The following RAB11FIP5 variants were observed in gnomAD, a reference collection of about 807,000 sequenced individuals.
RAB11FIP5 encodes rab11 family-interacting protein 5.
Under a neutral mutation model 85.1 loss-of-function variants are expected in RAB11FIP5, and 48 were observed. The observed-to-expected ratio is 0.56, with a 90% CI of 0.45 to 0.72. The LOEUF (loss-of-function observed/expected upper bound fraction) is 0.72. RAB11FIP5 is among the 30% of genes least tolerant of loss of function. RAB11FIP5 has a pLI of 0.00. For missense variants in RAB11FIP5, 1,491 were observed against 1,687.0 expected (o/e 0.88, Z 2.04); for synonymous variants, 729 against 727.3 (o/e 1.00, Z -0.04).
In RAB11FIP5 at chr2:73,080,427, T is replaced by A; in HGVS notation, c.2805A>T (p.Glu935Asp). 1.6e-6 allele frequency: 2 copies of A among 1,233,436 alleles called. No individual in the cohort carries two copies. The highest frequency in any genetic ancestry group is 2.0e-6 in the Non-Finnish European group (2 of 988,638). 76.4% of individuals were successfully genotyped at this position (1,233,436 alleles called of 1,614,324 possible). A position where few individuals can be genotyped will look rare whatever the true frequency, so the allele number is the denominator to read the frequency against. Reference protein sequence around the residue: ...LSNRGPETEGEDASPSALVVG... With the variant: ...LSNRGPETEGDDASPSALVVG... Reference sequence around the variant, plus strand: ...CAACCAGTGCACTTGGGGAGGCATCTTCTCCCTCTGTCTCCGGCCCCCTGT... The same window carrying A: ...CAACCAGTGCACTTGGGGAGGCATCATCTCCCTCTGTCTCCGGCCCCCTGT... Residue 935 changes from glutamate (E) to aspartate (D), a missense_variant, in exon 4 of 6, where the codon GAA becomes GAT. Around this residue, in one of 3 missense-constraint regions of RAB11FIP5, gnomAD observed 1,211 missense variants for 1,338.0 expected, o/e 0.91. Transcript: ENST00000486777.
rs781777356 is a variant in RAB11FIP5, at chr2:73,088,005, C to A, written c.1568+45G>T. The A allele has an allele frequency of 5.2e-6, 8 of 1,533,524 alleles. No homozygotes were observed. In the Admixed American group the frequency reaches 1.5e-4, roughly 28 times the overall value. 95.0% of individuals were successfully genotyped at this position (1,533,524 alleles called of 1,614,324 possible). ...CCCAGGGTCCAGGCAGCACACACCC[C>A]AGCATCCTCCCCAAGGAGCAAAGTT... is the stretch of plus-strand genomic sequence containing the variant. On this transcript the variant is annotated intron_variant, in intron 3 of 5. Transcript: ENST00000486777.
chr2:73,091,969 G>A (rs530629446), intron 1 of RAB11FIP5, among the ~76,000 whole-genome samples: 77 of 152,324 alleles, frequency 5.1e-4, no homozygotes, highest in African/African-American at 1.8e-3. Flanking sequence ...CAGAAGTGAG[G>A]GGAGGAGAGG....
At chr2:73,106,677 C>T (rs1269976145) in intron 1 of RAB11FIP5, among the ~76,000 whole-genome samples, 1 of 152,226 alleles carries the variant, frequency 6.6e-6, no homozygotes, top group Non-Finnish European at 1.5e-5. Flanking sequence ...TCTTCTTTAC[C>T]CCAAATCCTA....
chr2:73,080,707 G>A lies in RAB11FIP5; in HGVS notation c.2525C>T (p.Pro842Leu). The change falls in exon 4 of 6, where the codon CCT becomes CTT. Residue 842 changes from proline (P) to leucine (L), a missense_variant. Coordinates refer to ENST00000486777, the MANE Select transcript of RAB11FIP5 (RefSeq NM_001371272.1). ...GACTAGTGAGGCTGTCTCAGCTGCA[G>A]GAGAAATGGTGACCACATCCCAAGG... Reference protein sequence around the residue: ...AWPWDVVTISPAAETASLVFR... With the variant: ...AWPWDVVTISLAAETASLVFR... The A allele has an allele frequency of 8.1e-7, 1 of 1,232,564 alleles. No individual in the cohort carries two copies. 76.4% of individuals were successfully genotyped at this position (1,232,564 alleles called of 1,614,324 possible).
intron 1 of RAB11FIP5, among the ~76,000 whole-genome samples, chr2:73,109,692 T>C (rs1004332884): frequency 6.6e-6 from 1 of 152,212 alleles, no homozygotes; most frequent in Non-Finnish European, 1.5e-5. Flanking sequence ...CTTGGGCCTC[T>C]TGCAGCAAAT....
intron 2 of RAB11FIP5, 28 bp downstream of exon 2, chr2:73,088,851 C>A: frequency 6.5e-7 from 1 of 1,543,276 alleles, no homozygotes. Flanking sequence ...GCCCCCCTCC[C>A]CAGGGCGGCG....
intron 4 of RAB11FIP5, among the ~76,000 whole-genome samples, chr2:73,076,939 C>T (rs1231016660): frequency 6.6e-6 from 1 of 152,196 alleles, no homozygotes; most frequent in Non-Finnish European, 1.5e-5. Context: ...CCTCACTGAC[C>T]TCTGTGGAGC....
At position 73,080,416 on chromosome 2, in the gene RAB11FIP5, G is replaced by A. The variant is rs115974609; in HGVS notation, c.2816C>T (p.Pro939Leu). The A allele has an allele frequency of 5.9e-4, 731 of 1,233,346 alleles. 5 individuals are homozygous for A. In the African/African-American group the frequency reaches 9.9e-3, roughly 17 times the overall value. The allele number at this position is 1,233,346 out of a possible 1,614,324, so 76.4% of individuals were successfully genotyped here. ...GPETEGEDAS[P>L]SALVVGPPET... Reference sequence around the variant, plus strand: ...CGGGGGACCGACAACCAGTGCACTTGGGGAGGCATCTTCTCCCTCTGTCTC... The same window carrying A: ...CGGGGGACCGACAACCAGTGCACTTAGGGAGGCATCTTCTCCCTCTGTCTC... The change falls in exon 4 of 6, where the codon CCA becomes CTA. Residue 939 changes from proline to leucine, a missense_variant. Transcript: ENST00000486777.
intron 1 of RAB11FIP5, among the ~76,000 whole-genome samples, chr2:73,090,162 G>A (rs1233389438): frequency 1.3e-5 from 2 of 152,128 alleles, no homozygotes; most frequent in Non-Finnish European, 2.9e-5. Flanking sequence ...CAGTGGTAAA[G>A]GAACCCATCC....
In RAB11FIP5 at chr2:73,089,914, CA is replaced by C. The variant is rs1684176949; in HGVS notation, c.432-600del. ...ACACACACACACACACACACACACA[CA>C]CCTCACTCACACACTGACTCACCCC... is the stretch of plus-strand genomic sequence containing the variant. On this transcript the variant is annotated intron_variant, in intron 1 of 5. Coordinates refer to ENST00000486777, the MANE Select transcript of RAB11FIP5 (RefSeq NM_001371272.1). The surrounding 1 kb of genome is among the most constrained non-coding windows in gnomAD (Gnocchi z 4.6). Among the ~76,000 whole-genome samples, 1 of 143,868 alleles carries C rather than the reference CA, an allele frequency of 7.0e-6. No individual in the cohort carries two copies. Among genetic ancestry groups the C allele is most frequent in the Admixed American group, 6.9e-5 (1 of 14,430 alleles). The allele number at this position is 143,868 out of a possible 152,430, so 94.4% of individuals were successfully genotyped here.
In RAB11FIP5 at chr2:73,088,365, C is replaced by G. The variant is rs761712902; in HGVS notation, c.1253G>C (p.Ser418Thr). 2.5e-6 allele frequency: 4 copies of G among 1,613,660 alleles called. No individual in the cohort carries two copies. The African/African-American group carries it at 5.3e-5, about 22-fold the overall frequency. Residue 418 changes from serine to threonine, a missense_variant, in exon 3 of 6, where the codon AGC becomes ACC. Ser to Thr is a moderately conservative substitution (Grantham distance 58). Coordinates refer to ENST00000486777, the MANE Select transcript of RAB11FIP5 (RefSeq NM_001371272.1). Reference protein sequence around the residue: ...AQAKVLAPGASHPGEEEGARL... With the variant: ...AQAKVLAPGATHPGEEEGARL... ...GGCCCCCTCCTCCTCTCCAGGGTGG[C>G]TGGCCCCAGGGGCCAGGACTTTAGC... is the stretch of plus-strand genomic sequence containing the variant.
chr2:73,107,131 G>A (rs1424896230), intron 1 of RAB11FIP5, among the ~76,000 whole-genome samples: 1 of 152,238 alleles, frequency 6.6e-6, no homozygotes, highest in African/African-American at 2.4e-5. Flanking sequence ...ACTGCCAGGT[G>A]CACAGCAGAC....
At chr2:73,082,017 T>C (rs1434125925) in intron 3 of RAB11FIP5, among the ~76,000 whole-genome samples, 3 of 150,478 alleles carry the variant, frequency 2.0e-5, no homozygotes, top group African/African-American at 7.4e-5. Flanking sequence ...CTGGGAAAAC[T>C]AATCTGAAAG....
chr2:73,097,305 G>C (rs574658431), intron 1 of RAB11FIP5, among the ~76,000 whole-genome samples: 1 of 151,982 alleles, frequency 6.6e-6, no homozygotes, highest in African/African-American at 2.4e-5. Context: ...CCAAAGTGCT[G>C]AGATTACAGG....
intron 1 of RAB11FIP5, among the ~76,000 whole-genome samples, chr2:73,109,717 T>C (rs1684603574): frequency 6.6e-6 from 1 of 152,210 alleles, no homozygotes; most frequent in African/African-American, 2.4e-5. Context: ...TACAGAGAGC[T>C]GCAAAGGGCC....
In RAB11FIP5 at chr2:73,088,888, T is replaced by C; in HGVS notation, c.859A>G (p.Thr287Ala). 6.3e-7 allele frequency: 1 copy of C among 1,576,554 alleles called. No homozygotes were observed. The highest frequency in any genetic ancestry group is 8.6e-7 in the Non-Finnish European group (1 of 1,161,106). Residue 287 changes from threonine to alanine, a missense_variant, in exon 2 of 6, where the codon ACT becomes GCT. Physicochemically the swap from Thr to Ala is moderately conservative, Grantham distance 58. Coordinates refer to ENST00000486777, the MANE Select transcript of RAB11FIP5 (RefSeq NM_001371272.1). ...RSPSRSSWLS[T>A]EGGRDSAQSP... ...CCCTGTGCTTGCTCACCCCCTTCAG[T>C]GGACAGCCAGCTGCTACGGCTTGGT...
intron 3 of RAB11FIP5, among the ~76,000 whole-genome samples, chr2:73,083,813 G>C (rs867502531): frequency 8.5e-5 from 13 of 152,160 alleles, no homozygotes; most frequent in African/African-American, 2.9e-4. Context: ...GCCCAACCCT[G>C]TCTACAGGAC....
At chr2:73,093,907 G>A (rs966859783) in intron 1 of RAB11FIP5, among the ~76,000 whole-genome samples, 7 of 152,192 alleles carry the variant, frequency 4.6e-5, no homozygotes, top group Non-Finnish European at 1.0e-4. Flanking sequence ...GATCACTTGA[G>A]GCCAGGAGTT....
intron 1 of RAB11FIP5, among the ~76,000 whole-genome samples, chr2:73,097,603 G>A (rs1391763568): frequency 6.6e-6 from 1 of 152,200 alleles, no homozygotes; most frequent in Non-Finnish European, 1.5e-5. Flanking sequence ...CTGCTCTATG[G>A]TTTTCTACTG....
Sources: gnomAD v4.1 joint callset for allele counts (sites outside exome capture counted in the v4.1 genomes callset) on GRCh38, gnomAD v4.1.1 for gene constraint, gnomAD v4.1.1 regional missense constraint, Gnocchi (gnomAD v3.1) non-coding constraint, MANE v1.5 for transcripts, NCBI Gene and HGNC (gene_info 2026-07-23, HGNC 2026-07-21) for gene names.